The following MRPL44 variants were observed in gnomAD, a reference collection of about 807,000 sequenced individuals.
MRPL44 encodes the protein mitochondrial ribosomal protein L44, also known as large ribosomal subunit protein mL44.
In MRPL44, 21 loss-of-function variants were observed where a neutral mutation model predicts 25.9. That is an observed-to-expected ratio of 0.81 (90% confidence interval 0.58 to 1.17). The LOEUF (loss-of-function observed/expected upper bound fraction) is 1.17, where lower values mean the gene tolerates loss of function less well. Among genes scored for constraint, MRPL44 ranks in the 50% most tolerant of loss-of-function variants. MRPL44 has a pLI of 0.00. For missense variants in MRPL44, 410 were observed against 398.9 expected, an observed-to-expected ratio of 1.03 and a Z score of -0.24; for synonymous variants, 169 against 151.0, an observed-to-expected ratio of 1.12 and a Z score of -0.87.
At chr2:223,965,287 G>T (rs1045871652) in intron 3 of MRPL44, among the ~76,000 whole-genome samples, 5 of 152,076 alleles carry the variant, frequency 3.3e-5, no homozygotes, top group Non-Finnish European at 5.9e-5. Flanking sequence ...TAGAACCTTT[G>T]TTTCATTTCC....
intron 1 of MRPL44, among the ~76,000 whole-genome samples, chr2:223,958,325 G>A (rs1689603057): frequency 6.6e-6 from 1 of 152,088 alleles, no homozygotes; most frequent in African/African-American, 2.4e-5. Context: ...TAAAACCTAT[G>A]TAACAGCGCG....
upstream of MRPL44, chr2:223,957,349 C>T: frequency 3.1e-6 from 4 of 1,289,824 alleles, no homozygotes; most frequent in Non-Finnish European, 4.4e-6. Context: ...GTCGCCCCGC[C>T]CCGGGGGCTG....
chr2:223,956,748 T>A (rs1283237787), upstream of MRPL44, among the ~76,000 whole-genome samples: 1 of 152,226 alleles, frequency 6.6e-6, no homozygotes, highest in Non-Finnish European at 1.5e-5. Flanking sequence ...CCTCCCTTTG[T>A]GACTTAATAT....
chr2:223,963,971 G>A (rs1211937571), intron 3 of MRPL44, 37 bp downstream of exon 3: 2 of 1,565,572 alleles, frequency 1.3e-6, no homozygotes, highest in African/African-American at 1.4e-5. Context: ...ATAACTTTGA[G>A]GAAATCCTAA....
chr2:223,951,641 G>C, the MRPL44 span, among the ~76,000 whole-genome samples: 2 of 152,148 alleles, frequency 1.3e-5, no homozygotes, highest in South Asian at 4.2e-4. Context: ...AGAACGCCAG[G>C]CTAATTTTTG....
chr2:223,967,093 GT>G lies in MRPL44; in HGVS notation c.*62del, dbSNP rs1689754210. On this transcript the variant is annotated 3_prime_UTR_variant, in exon 4 of 4. Transcript: ENST00000258383. ...CGAAAGTGAGATAAATGTCAAAGGTGTTTCAAGCCAGACATTTTCACAATTG... is the reference window on the plus strand; with the variant it reads ...CGAAAGTGAGATAAATGTCAAAGGTGTTCAAGCCAGACATTTTCACAATTG... 3 of 1,450,938 alleles carry G rather than the reference GT, an allele frequency of 2.1e-6. No individual in the cohort carries two copies. The highest frequency in any genetic ancestry group is 2.9e-5 in the South Asian group (2 of 69,938). 89.9% of individuals were successfully genotyped at this position (1,450,938 alleles called of 1,614,324 possible).
upstream of MRPL44, among the ~76,000 whole-genome samples, chr2:223,954,162 C>T (rs1020534519): frequency 6.6e-6 from 1 of 152,218 alleles, no homozygotes; most frequent in African/African-American, 2.4e-5. Flanking sequence ...TTTACTAAGT[C>T]ATCATCATTC....
At chr2:223,957,335 C>T (rs1448069396), upstream of MRPL44, 1 of 1,122,254 alleles carries the variant, frequency 8.9e-7, no homozygotes, top group Non-Finnish European at 1.3e-6. Context: ...CCTGCCCTCT[C>T]TCAGTCGCCC....
At chr2:223,953,256 T>C (rs1199529473), upstream of MRPL44, among the ~76,000 whole-genome samples, 2 of 151,590 alleles carry the variant, frequency 1.3e-5, no homozygotes, top group Non-Finnish European at 2.9e-5. Flanking sequence ...TGTCTCAGCC[T>C]CTCGAGTAGC....
chr2:223,957,547 C>T lies in MRPL44; in HGVS notation c.75C>T (p.Val25=), dbSNP rs1167342455. 6 of 1,614,014 alleles carry T rather than the reference C, an allele frequency of 3.7e-6. No individual in the cohort carries two copies. Among genetic ancestry groups the T allele is most frequent in the Middle Eastern group, 1.6e-4 (1 of 6,062 alleles). The part of the protein sequence containing the change: ...CLLAPVAPKL[V]PPVRGVKKGF... ...TGGCTCCAGTCGCCCCCAAGCTGGT[C>T]CCTCCGGTTCGGGGAGTGAAGAAGG... The change falls in exon 1 of 4, where the codon GTC becomes GTT. Residue 25 remains valine (V), a synonymous_variant. Transcript: ENST00000258383.
the MRPL44 span, among the ~76,000 whole-genome samples, chr2:223,951,965 A>C: frequency 6.6e-6 from 1 of 152,220 alleles, no homozygotes; most frequent in Non-Finnish European, 1.5e-5. Context: ...CATTTGGATG[A>C]AGTAAGGTAT....
intron 1 of MRPL44, among the ~76,000 whole-genome samples, chr2:223,959,297 G>C (rs768110195): frequency 2.0e-5 from 3 of 152,172 alleles, no homozygotes; most frequent in African/African-American, 7.2e-5. Flanking sequence ...AATTTCATGT[G>C]ACAATTGGAT....
Position 223,957,644 on chromosome 2 carries a change from G to T in MRPL44, c.172G>T (p.Val58Leu), listed in dbSNP as rs759844256. 3 of 1,606,762 alleles carry T rather than the reference G, an allele frequency of 1.9e-6. No homozygotes were observed. Among genetic ancestry groups the T allele is most frequent in the Non-Finnish European group, 2.5e-6 (3 of 1,179,358 alleles). ...QRLLRCPPPP[V>L]RRSEKPNWDY... ...CCTTCTGCGGTGCCCGCCGCCGCCC[G>T]TGCGCCGGTAGGAGCCACCTCGGGA... The change falls in exon 1 of 4, where the codon GTG (valine) becomes TTG (leucine). Residue 58 changes from valine (V) to leucine (L), a missense_variant. Physicochemically the swap from Val to Leu is conservative, Grantham distance 32. Coordinates refer to ENST00000258383, the MANE Select transcript of MRPL44 (RefSeq NM_022915.5).
At chr2:223,962,342 A>C (rs1015736583) in intron 2 of MRPL44, among the ~76,000 whole-genome samples, 1 of 152,112 alleles carries the variant, frequency 6.6e-6, no homozygotes, top group Non-Finnish European at 1.5e-5. Context: ...ATTTTTTATT[A>C]ATGAAGCTGA....
Position 223,959,818 on chromosome 2 carries a change from A to G in MRPL44, c.464A>G (p.Asn155Ser). Residue 155 changes from asparagine to serine, a missense_variant, in exon 2 of 4, where the codon AAT becomes AGT. Physicochemically the swap from Asn to Ser is conservative, Grantham distance 46 (BLOSUM62 1). Transcript: ENST00000258383. ...YPDMPTEGIKNLVDFLTGEEV... is the reference protein window; with the variant it reads ...YPDMPTEGIKSLVDFLTGEEV... The stretch of plus-strand genomic sequence containing the variant: ...GACATGCCCACTGAAGGCATAAAAA[A>G]TCTTGTTGACTTTCTCACTGGTGAG... The G allele has an allele frequency of 1.9e-6, 3 of 1,614,184 alleles. No individual in the cohort carries two copies. Among genetic ancestry groups the G allele is most frequent in the Non-Finnish European group, 1.7e-6 (2 of 1,180,032 alleles).
chr2:223,960,359 C>CT (rs1689639455), intron 2 of MRPL44, among the ~76,000 whole-genome samples: 2 of 152,212 alleles, frequency 1.3e-5, no homozygotes, highest in African/African-American at 4.8e-5. Flanking sequence ...TCAGTACCAG[C>CT]TGCTGTCTGC....
At position 223,959,521 on chromosome 2, in the gene MRPL44, T is replaced by C. The variant is rs768613831; in HGVS notation, c.180-13T>C. 3 of 1,590,058 alleles carry C rather than the reference T, an allele frequency of 1.9e-6. No individual in the cohort carries two copies. Among genetic ancestry groups the C allele is most frequent in the Admixed American group, 3.5e-5 (2 of 56,376 alleles). Reference sequence around the variant, plus strand: ...GTTCTCTTTACCATCTCTTACTGTCTTTACATTTTCAGTTCAGAGAAGCCG... The same window carrying C: ...GTTCTCTTTACCATCTCTTACTGTCCTTACATTTTCAGTTCAGAGAAGCCG... On this transcript the variant is annotated splice_polypyrimidine_tract_variant and intron_variant, in intron 1 of 3. Coordinates refer to ENST00000258383, the MANE Select transcript of MRPL44 (RefSeq NM_022915.5).
At chr2:223,966,393 A>G (rs1239355570) in intron 3 of MRPL44, among the ~76,000 whole-genome samples, 1 of 152,236 alleles carries the variant, frequency 6.6e-6, no homozygotes, top group African/African-American at 2.4e-5. Flanking sequence ...GTTATATCAC[A>G]CATTAAAAAT....
At chr2:223,953,625 C>T (rs1388905101), upstream of MRPL44, among the ~76,000 whole-genome samples, 1 of 152,198 alleles carries the variant, frequency 6.6e-6, no homozygotes, top group Non-Finnish European at 1.5e-5. Context: ...TGCTTTTGGA[C>T]ATGCTTCGTC....
Sources: allele counts gnomAD v4.1 joint callset (sites outside exome capture counted in the v4.1 genomes callset), GRCh38; gene constraint gnomAD v4.1.1; transcripts MANE v1.5; gene names NCBI Gene and HGNC (gene_info 2026-07-23, HGNC 2026-07-21).